Variants in TRPS1 observed in about 807,000 individuals in gnomAD.
TRPS1 encodes the protein zinc finger transcription factor Trps1.
Under a neutral mutation model 101.2 loss-of-function variants are expected in TRPS1, and 6 were observed. The ratio of observed to expected loss-of-function variants is 0.06; its 90% CI spans 0.03 to 0.12. The LOEUF (loss-of-function observed/expected upper bound fraction) is 0.12, where lower values mean the gene tolerates loss of function less well. TRPS1 is among the 10% of genes least tolerant of loss of function. TRPS1 has a pLI of 1.00. For missense variants in TRPS1, 1,363 were observed against 1,567.0 expected (o/e 0.87, Z 2.20); for synonymous variants, 578 against 589.8 (o/e 0.98, Z 0.29).
Position 115,596,758 on chromosome 8 carries a change from G to T in TRPS1, c.2096+7115C>A, listed in dbSNP as rs371893607. On this transcript the variant is annotated intron_variant, in intron 4 of 6. Coordinates refer to ENST00000395715, the MANE Select transcript of TRPS1 (RefSeq NM_014112.5). ...ATCTATGTATGTGTATATTTCAGAT[G>T]TATTTATCCATGCATGTACACATAT... 2.0e-4 allele frequency among the ~76,000 whole-genome samples: 31 copies of T among 151,692 alleles called. No homozygotes were observed. In the East Asian group the frequency reaches 4.6e-3, roughly 23 times the overall value.
rs1221691979 is a variant in TRPS1, at chr8:115,598,275, G to A, written c.2096+5598C>T. 2.0e-5 allele frequency among the ~76,000 whole-genome samples: 3 copies of A among 152,028 alleles called. 1 individual carries two copies. The highest frequency in any genetic ancestry group is 1.9e-4 in the East Asian group (1 of 5,192). On this transcript the variant is annotated intron_variant, in intron 4 of 6. Transcript: ENST00000395715. The stretch of plus-strand genomic sequence containing the variant: ...AGCTCGCTAACTCCCAACAATTCAG[G>A]TGTCTTAGAATACCTTAATTCTAGT...
chr8:115,453,574 T>G (rs1813936397), intron 5 of TRPS1, among the ~76,000 whole-genome samples: 1 of 152,192 alleles, frequency 6.6e-6, no homozygotes, highest in Non-Finnish European at 1.5e-5. Context: ...CAGATAAAGA[T>G]GAAAACAAGC....
intron 1 of TRPS1, chr8:115,637,296 A>C: frequency 1.0e-6 from 1 of 985,456 alleles, no homozygotes; most frequent in South Asian, 4.7e-5. Context: ...ATGAGGCTGG[A>C]CCACTTGGAG....
At chr8:115,517,774 T>C (rs970554486) in intron 5 of TRPS1, among the ~76,000 whole-genome samples, 2 of 151,760 alleles carry the variant, frequency 1.3e-5, no homozygotes, top group Non-Finnish European at 3.0e-5. Flanking sequence ...CAATCTTTCA[T>C]CAATCTCAAA....
intron 5 of TRPS1, among the ~76,000 whole-genome samples, chr8:115,517,123 C>T (rs2130208465): frequency 6.6e-6 from 1 of 151,714 alleles, no homozygotes; most frequent in South Asian, 2.1e-4. Context: ...ATATTTTCTG[C>T]TTTGATATTC....
At chr8:115,517,228 A>G (rs1403514435) in intron 5 of TRPS1, among the ~76,000 whole-genome samples, 1 of 151,738 alleles carries the variant, frequency 6.6e-6, no homozygotes, top group East Asian at 1.9e-4. Context: ...ATTATCATTT[A>G]GATAGATATC....
chr8:115,566,164 T>C (rs975544199), intron 5 of TRPS1, among the ~76,000 whole-genome samples: 3 of 152,180 alleles, frequency 2.0e-5, no homozygotes, highest in Non-Finnish European at 2.9e-5. Context: ...ACATGTAGTC[T>C]GTTCATTTAA....
intron 5 of TRPS1, among the ~76,000 whole-genome samples, chr8:115,430,238 C>A (rs900614104): frequency 6.6e-6 from 1 of 152,138 alleles, no homozygotes; most frequent in African/African-American, 2.4e-5. Flanking sequence ...AATAGTCCTA[C>A]TTTCTCTGTA....
At chr8:115,447,686 T>C (rs1046086672) in intron 5 of TRPS1, among the ~76,000 whole-genome samples, 3 of 148,460 alleles carry the variant, frequency 2.0e-5, no homozygotes, top group South Asian at 2.2e-4. Flanking sequence ...TATATATATA[T>C]AATATGAAAT....
intron 5 of TRPS1, among the ~76,000 whole-genome samples, chr8:115,535,227 TATATATAGCATATATAGC>T (rs1554583772): frequency 1.7e-5 from 2 of 118,832 alleles, no homozygotes; most frequent in South Asian, 2.8e-4. Flanking sequence ...ATATAGCATA[TATATATAGCATATATAGC>T]ATATATAGCA....
At chr8:115,436,971 T>C (rs1169556266) in intron 5 of TRPS1, among the ~76,000 whole-genome samples, 1 of 152,164 alleles carries the variant, frequency 6.6e-6, no homozygotes, top group Admixed American at 6.5e-5. Context: ...GACGTATACA[T>C]ATTTCTTTTC....
chr8:115,495,626 T>C (rs908708748), intron 5 of TRPS1, among the ~76,000 whole-genome samples: 2 of 151,948 alleles, frequency 1.3e-5, no homozygotes, highest in Non-Finnish European at 2.9e-5. Flanking sequence ...AGAGGGTGAC[T>C]GCACATGAAA....
intron 5 of TRPS1, among the ~76,000 whole-genome samples, chr8:115,427,513 C>T (rs1051983780): frequency 7.2e-5 from 11 of 151,954 alleles, no homozygotes; most frequent in Admixed American, 3.9e-4. Flanking sequence ...GATGAGAAAA[C>T]TGAGGCTTAG....
At chr8:115,518,282 T>C (rs1189808534) in intron 5 of TRPS1, among the ~76,000 whole-genome samples, 2 of 151,576 alleles carry the variant, frequency 1.3e-5, no homozygotes, top group Non-Finnish European at 3.0e-5. Context: ...TCCTATAACA[T>C]CAAAAATAAA....
At chr8:115,447,974 GTCT>G (rs1813778641) in intron 5 of TRPS1, among the ~76,000 whole-genome samples, 1 of 152,074 alleles carries the variant, frequency 6.6e-6, no homozygotes, top group Non-Finnish European at 1.5e-5. Context: ...AGCCTCTGAT[GTCT>G]TTTCCTTTCA....
At chr8:115,555,500 C>A (rs755163398) in intron 5 of TRPS1, among the ~76,000 whole-genome samples, 7 of 151,958 alleles carry the variant, frequency 4.6e-5, no homozygotes, top group South Asian at 2.1e-4. Flanking sequence ...AAACAGATTT[C>A]TTTGGCAAGT....
intron 5 of TRPS1, among the ~76,000 whole-genome samples, chr8:115,480,101 T>C (rs1814714240): frequency 6.6e-6 from 1 of 152,114 alleles, no homozygotes. Flanking sequence ...TGTTCAGGGA[T>C]TTTCTTCTGT....
At chr8:115,647,848 C>T (rs959143980) in intron 1 of TRPS1, among the ~76,000 whole-genome samples, 1 of 151,904 alleles carries the variant, frequency 6.6e-6, no homozygotes, top group East Asian at 1.9e-4. Context: ...TCATTAATAA[C>T]CTATGCCATC....
chr8:115,475,747 T>C (rs532111012), intron 5 of TRPS1, among the ~76,000 whole-genome samples: 3 of 152,256 alleles, frequency 2.0e-5, no homozygotes, highest in South Asian at 2.1e-4. Context: ...TTGAAGATAG[T>C]CCATGTAAGG....
Sources: gnomAD v4.1 joint callset for allele counts (sites outside exome capture counted in the v4.1 genomes callset) on GRCh38, gnomAD v4.1.1 for gene constraint, MANE v1.5 for transcripts, NCBI Gene and HGNC (gene_info 2026-07-23, HGNC 2026-07-21) for gene names.